LDHC: variants seen among roughly 807,000 people sequenced by gnomAD.
LDHC encodes lactate dehydrogenase C.
In LDHC, 20 loss-of-function variants were observed where a neutral mutation model predicts 30.2. The observed-to-expected ratio is 0.66, with a 90% CI of 0.47 to 0.96. LDHC has a LOEUF of 0.96. Among genes scored for constraint, LDHC ranks in the 40% least tolerant of loss-of-function variants. LDHC has a pLI of 0.00. For synonymous variants in LDHC, 139 were observed against 132.7 expected (o/e 1.05, Z -0.32); for missense variants, 362 against 394.9 (o/e 0.92, Z 0.71).
chr11:18,425,485 A>G (rs577149472), intron 3 of LDHC, among the ~76,000 whole-genome samples: 1 of 152,020 alleles, frequency 6.6e-6, no homozygotes, highest in Admixed American at 6.5e-5. Flanking sequence ...GGTTCAAGTG[A>G]TTGTCGTGCC....
chr11:18,437,613 G>A (rs1483759266), intron 5 of LDHC, among the ~76,000 whole-genome samples: 4 of 152,038 alleles, frequency 2.6e-5, no homozygotes, highest in African/African-American at 7.2e-5. Flanking sequence ...TTAGCCAGGC[G>A]TGGTGGTGGG....
intron 3 of LDHC, among the ~76,000 whole-genome samples, chr11:18,428,479 A>G (rs1416164831): frequency 6.6e-6 from 1 of 152,126 alleles, no homozygotes; most frequent in Admixed American, 6.6e-5. Flanking sequence ...ATTTTCTAAA[A>G]GAACATGAAA....
rs990701856 is a variant in LDHC at position 18,412,347 on chromosome 11, C to A, written c.-71C>A. 1.8e-5 allele frequency: 3 copies of A among 169,168 alleles called. No homozygotes were observed. The highest frequency in any genetic ancestry group is 7.2e-5 in the African/African-American group (3 of 41,848). The allele number at this position is 169,168 out of a possible 1,614,324, so 10.5% of individuals were successfully genotyped here. A position where few individuals can be genotyped will look rare whatever the true frequency, so the allele number is the denominator to read the frequency against. On this transcript the variant is annotated 5_prime_UTR_variant, in exon 1 of 8. Coordinates refer to ENST00000541669, the MANE Select transcript of LDHC (RefSeq NM_017448.5). ...CGCACGGAGGGCAACCGTCGACGGGCTTAGCGCCTCAACTGTCGTTGGTGT... is the reference window on the plus strand; with the variant it reads ...CGCACGGAGGGCAACCGTCGACGGGATTAGCGCCTCAACTGTCGTTGGTGT...
intron 3 of LDHC, among the ~76,000 whole-genome samples, chr11:18,427,984 T>C (rs1252726286): frequency 6.6e-6 from 1 of 151,860 alleles, no homozygotes; most frequent in Non-Finnish European, 1.5e-5. Flanking sequence ...GCCAGAAATG[T>C]CATCTAATTC....
rs71047596 is a variant in LDHC at position 18,439,811 on chromosome 11, T to TAAAAAAAA, written c.710+1184_710+1191dup. On this transcript the variant is annotated intron_variant, in intron 6 of 7. Transcript: ENST00000541669. ...CCAACATGGTGAAAACCGTCTCTAC[T>TAAAAAAAA]AAAAAAAAAAAAAAAAAAAAAAAAA... Among the ~76,000 whole-genome samples the TAAAAAAAA allele has an allele frequency of 1.5e-3, 94 of 64,192 alleles. 1 individual carries two copies. Among genetic ancestry groups the TAAAAAAAA allele is most frequent in the African/African-American group, 4.8e-3 (78 of 16,102 alleles). The allele number at this position is 64,192 out of a possible 152,430, so 42.1% of individuals were successfully genotyped here. A position where few individuals can be genotyped will look rare whatever the true frequency, so the allele number is the denominator to read the frequency against.
At chr11:18,421,234 T>C (rs1028189498) in intron 3 of LDHC, among the ~76,000 whole-genome samples, 4 of 151,998 alleles carry the variant, frequency 2.6e-5, no homozygotes, top group African/African-American at 9.7e-5. Flanking sequence ...TTTGTATTTT[T>C]AGAAGACATG....
At chr11:18,412,578 C>T (rs981897925) in intron 1 of LDHC, 131 bp from the exon 2 acceptor site, 7 of 801,752 alleles carry the variant, frequency 8.7e-6, no homozygotes, top group African/African-American at 3.5e-5. Flanking sequence ...TTACCCTCCC[C>T]GCATCCTTTG....
intron 3 of LDHC, among the ~76,000 whole-genome samples, chr11:18,417,435 C>G (rs559062426): frequency 9.2e-5 from 14 of 152,320 alleles, no homozygotes; most frequent in African/African-American, 3.4e-4. Flanking sequence ...GACAGTTTCA[C>G]CAGGCTGGAG....
intron 3 of LDHC, among the ~76,000 whole-genome samples, chr11:18,421,006 G>C (rs145641510): frequency 9.8e-4 from 149 of 152,184 alleles, no homozygotes; most frequent in African/African-American, 3.2e-3. Flanking sequence ...TTTGAACTTT[G>C]ATAAGTTAAA....
intron 3 of LDHC, among the ~76,000 whole-genome samples, chr11:18,418,570 C>T (rs1048469964): frequency 7.9e-5 from 12 of 151,960 alleles, no homozygotes; most frequent in African/African-American, 2.9e-4. Flanking sequence ...GCTGGGATTA[C>T]AGGTGCATAC....
intron 5 of LDHC, among the ~76,000 whole-genome samples, chr11:18,435,738 C>T (rs1353738928): frequency 6.6e-6 from 1 of 152,182 alleles, no homozygotes; most frequent in African/African-American, 2.4e-5. Flanking sequence ...ATCTTTTCAT[C>T]AGCCCAAAAT....
intron 3 of LDHC, among the ~76,000 whole-genome samples, chr11:18,424,479 C>T (rs1002522103): frequency 6.6e-6 from 1 of 152,038 alleles, no homozygotes; most frequent in Non-Finnish European, 1.5e-5. Flanking sequence ...AAATATAGTC[C>T]CAAGAAAACT....
At chr11:18,446,096 C>T in intron 6 of LDHC, 114 bp from the exon 7 acceptor site, 2 of 845,270 alleles carry the variant, frequency 2.4e-6, no homozygotes, top group Non-Finnish European at 3.7e-6. Flanking sequence ...TGGGAAAATT[C>T]TAATACAATT....
intron 7 of LDHC, among the ~76,000 whole-genome samples, chr11:18,446,607 T>C (rs984712582): frequency 2.6e-5 from 4 of 152,212 alleles, no homozygotes; most frequent in African/African-American, 7.2e-5. Flanking sequence ...AACTAGCTTA[T>C]GCAAAAAGAA....
In LDHC at chr11:18,438,706, G is replaced by A. The variant is rs897551933; in HGVS notation, c.710+61G>A. ...AGTCAGTCTTAAGAATAAATATCAC[G>A]GACAAAAATCAAGTAGTTGATCCTT... is the stretch of plus-strand genomic sequence containing the variant. On this transcript the variant is annotated intron_variant, in intron 6 of 7. Transcript: ENST00000541669. 32 of 864,950 alleles carry A rather than the reference G, an allele frequency of 3.7e-5. No homozygotes were observed. In the East Asian group the frequency reaches 5.1e-4, roughly 14 times the overall value. 53.6% of individuals were successfully genotyped at this position (864,950 alleles called of 1,614,324 possible). A position where few individuals can be genotyped will look rare whatever the true frequency, so the allele number is the denominator to read the frequency against.
chr11:18,434,875 G>T lies in LDHC; in HGVS notation c.554G>T (p.Cys185Phe). 6.2e-7 allele frequency: 1 copy of T among 1,613,424 alleles called. No individual in the cohort carries two copies. Among genetic ancestry groups the T allele is most frequent in the Admixed American group, 1.7e-5 (1 of 60,010 alleles). Residue 185 changes from cysteine to phenylalanine, a missense_variant, in exon 5 of 8, where the codon TGC becomes TTC. Physicochemically the swap from Cys to Phe is radical, Grantham distance 205 (BLOSUM62 -2). Coordinates refer to ENST00000541669, the MANE Select transcript of LDHC (RefSeq NM_017448.5). ...GEKLGVHPTS[C>F]HGWIIGEHGD... ...AAGTTGGGTGTCCACCCCACAAGCT[G>T]CCATGGTTGGATTATTGGAGAACAT...
At chr11:18,428,975 T>G (rs1258775305) in intron 3 of LDHC, among the ~76,000 whole-genome samples, 1 of 152,094 alleles carries the variant, frequency 6.6e-6, no homozygotes, top group Non-Finnish European at 1.5e-5. Flanking sequence ...TAGTACGTAG[T>G]TTATTTTCTT....
intron 3 of LDHC, among the ~76,000 whole-genome samples, chr11:18,420,143 GAC>G (rs1867092949): frequency 6.6e-6 from 1 of 150,868 alleles, no homozygotes; most frequent in Non-Finnish European, 1.5e-5. Flanking sequence ...TGATAGATTA[GAC>G]ACATTTGAAG....
Position 18,434,784 on chromosome 11 carries a change from G to A in LDHC, c.463G>A (p.Val155Ile), listed in dbSNP as rs755708433. ...YIVWKISGLP[V>I]TRVIGSGCNL... ...AGTCTGGAAGATAAGTGGCTTACCT[G>A]TAACTCGTGTAATTGGAAGTGGTTG... Residue 155 changes from valine (V) to isoleucine (I), a missense_variant, in exon 5 of 8, where the codon GTA becomes ATA. By Grantham distance (29) the Val-to-Ile change is conservative. Coordinates refer to ENST00000541669, the MANE Select transcript of LDHC (RefSeq NM_017448.5). The A allele has an allele frequency of 1.9e-6, 3 of 1,609,734 alleles. No homozygotes were observed. Among genetic ancestry groups the A allele is most frequent in the Non-Finnish European group, 2.6e-6 (3 of 1,176,052 alleles).
Sources: gnomAD v4.1 joint callset for allele counts (sites outside exome capture counted in the v4.1 genomes callset) on GRCh38, gnomAD v4.1.1 for gene constraint, MANE v1.5 for transcripts, NCBI Gene and HGNC (gene_info 2026-07-23, HGNC 2026-07-21) for gene names.